Variants in RAB6A observed in about 807,000 individuals in gnomAD.
RAB6A encodes the protein RAB6A, member RAS oncogene family, also known as ras-related protein Rab-6A.
In RAB6A, 8 loss-of-function variants were observed where a neutral mutation model predicts 32.3. The observed-to-expected ratio is 0.25, with a 90% CI of 0.15 to 0.45. The LOEUF is 0.45. Among genes scored for constraint, RAB6A ranks in the 20% least tolerant of loss-of-function variants. The probability of loss-of-function intolerance (pLI) is 1.00; values close to 1 mark genes in which losing one functional copy is unlikely to be tolerated. For synonymous variants in RAB6A, 73 were observed against 82.1 expected (o/e 0.89, Z 0.60); for missense variants, 104 against 249.4 (o/e 0.42, Z 3.93).
chr11:73,757,382 G>A (rs986927005), intron 1 of RAB6A, among the ~76,000 whole-genome samples: 2 of 150,958 alleles, frequency 1.3e-5, no homozygotes, highest in Admixed American at 6.6e-5. Context: ...ATGTTAGCCA[G>A]GCTGGTCTTG....
intron 1 of RAB6A, among the ~76,000 whole-genome samples, chr11:73,745,520 G>A (rs991457536): frequency 2.0e-5 from 3 of 152,172 alleles, no homozygotes; most frequent in Admixed American, 6.6e-5. Context: ...TGAAGCAGGT[G>A]GATCACTTGA....
At chr11:73,722,855 G>A (rs964749835) in intron 2 of RAB6A, among the ~76,000 whole-genome samples, 3 of 152,128 alleles carry the variant, frequency 2.0e-5, no homozygotes, top group African/African-American at 7.2e-5. Context: ...CGCCCAGGCT[G>A]GAGTGCAGTG....
chr11:73,697,767 A>G (rs1440340862), intron 6 of RAB6A, among the ~76,000 whole-genome samples: 1 of 152,244 alleles, frequency 6.6e-6, no homozygotes, highest in Non-Finnish European at 1.5e-5. Flanking sequence ...ATTTTGTTCC[A>G]TTATTGTATC....
chr11:73,751,533 T>C (rs1450392462), intron 1 of RAB6A, among the ~76,000 whole-genome samples: 1 of 152,096 alleles, frequency 6.6e-6, no homozygotes, highest in East Asian at 1.9e-4. Flanking sequence ...AAGATGGAGC[T>C]AAAAACAGAA....
intron 6 of RAB6A, among the ~76,000 whole-genome samples, chr11:73,696,152 T>TAG (rs1945652616): frequency 6.6e-6 from 1 of 152,170 alleles, no homozygotes; most frequent in African/African-American, 2.4e-5. Flanking sequence ...GTTTTATACA[T>TAG]AACTGAATTC....
At chr11:73,716,464 T>TG in intron 4 of RAB6A, 102 bp from the exon 5 acceptor site, 2 of 724,146 alleles carry the variant, frequency 2.8e-6, no homozygotes, top group East Asian at 2.7e-5. Context: ...GGAAGGGGGC[T>TG]GGCACATTAG....
At chr11:73,731,863 T>A (rs1176281985) in intron 1 of RAB6A, among the ~76,000 whole-genome samples, 1 of 150,620 alleles carries the variant, frequency 6.6e-6, no homozygotes, top group African/African-American at 2.4e-5. Flanking sequence ...TGCCTCAGCC[T>A]CCCAAATAGC....
chr11:73,694,845 C>A (rs1945631594), intron 6 of RAB6A, among the ~76,000 whole-genome samples: 2 of 152,094 alleles, frequency 1.3e-5, no homozygotes, highest in African/African-American at 4.8e-5. Flanking sequence ...AAAACTCTAT[C>A]TTTACCAAAA....
At chr11:73,724,637 A>C (rs1946189742) in intron 2 of RAB6A, among the ~76,000 whole-genome samples, 1 of 151,854 alleles carries the variant, frequency 6.6e-6, no homozygotes, top group Admixed American at 6.6e-5. Flanking sequence ...CAGGCGCCCG[A>C]CACCAGGCCC....
chr11:73,709,711 G>A (rs1173389120), intron 5 of RAB6A, among the ~76,000 whole-genome samples: 4 of 149,436 alleles, frequency 2.7e-5, no homozygotes, highest in South Asian at 2.1e-4. Context: ...GAAAGAAACC[G>A]TATTTACATG....
At chr11:73,731,863 T>TCC (rs1946319563) in intron 1 of RAB6A, among the ~76,000 whole-genome samples, 1 of 150,620 alleles carries the variant, frequency 6.6e-6, no homozygotes, top group South Asian at 2.1e-4. Context: ...TGCCTCAGCC[T>TCC]CCCAAATAGC....
intron 5 of RAB6A, among the ~76,000 whole-genome samples, chr11:73,709,626 T>C (rs1335906657): frequency 6.7e-6 from 1 of 150,114 alleles, no homozygotes; most frequent in East Asian, 1.9e-4. Flanking sequence ...GTATGACATG[T>C]TCCAGCCCCA....
At chr11:73,696,984 C>G (rs1028201662) in intron 6 of RAB6A, among the ~76,000 whole-genome samples, 1 of 152,124 alleles carries the variant, frequency 6.6e-6, no homozygotes, top group African/African-American at 2.4e-5. Context: ...AATAAAATGC[C>G]AAATCCTCAC....
At chr11:73,708,190 GAC>G (rs879739592) in intron 5 of RAB6A, among the ~76,000 whole-genome samples, 12 of 151,830 alleles carry the variant, frequency 7.9e-5, no homozygotes, top group Non-Finnish European at 1.3e-4. Flanking sequence ...TTTTTTTTGA[GAC>G]AGTTTTGCTC....
intron 1 of RAB6A, among the ~76,000 whole-genome samples, chr11:73,756,494 A>T (rs1384453691): frequency 6.6e-6 from 1 of 152,226 alleles, no homozygotes; most frequent in African/African-American, 2.4e-5. Flanking sequence ...TAGGCTGAGT[A>T]TGCGCTTCTC....
chr11:73,723,752 C>T (rs577610268), intron 2 of RAB6A, among the ~76,000 whole-genome samples: 5 of 152,042 alleles, frequency 3.3e-5, no homozygotes, highest in East Asian at 3.9e-4. Context: ...CTAAGACAAA[C>T]AATAAGCTAA....
intron 6 of RAB6A, among the ~76,000 whole-genome samples, chr11:73,695,831 A>G (rs1945647016): frequency 1.3e-5 from 2 of 152,244 alleles, no homozygotes; most frequent in African/African-American, 4.8e-5. Context: ...TTGCAGTGAC[A>G]GCTAGTACAG....
intron 1 of RAB6A, among the ~76,000 whole-genome samples, chr11:73,744,306 C>G (rs1181937291): frequency 6.7e-6 from 1 of 148,368 alleles, no homozygotes; most frequent in Non-Finnish European, 1.5e-5. Flanking sequence ...CCAATGCACT[C>G]CAGCCTGGGT....
intron 1 of RAB6A, among the ~76,000 whole-genome samples, chr11:73,751,963 C>T (rs1946675444): frequency 6.6e-6 from 1 of 152,114 alleles, no homozygotes; most frequent in South Asian, 2.1e-4. Context: ...AAACACAACT[C>T]TCAGTGCTCA....
Sources: gnomAD v4.1 joint callset for allele counts (sites outside exome capture counted in the v4.1 genomes callset) on GRCh38, gnomAD v4.1.1 for gene constraint, MANE v1.5 for transcripts, NCBI Gene and HGNC (gene_info 2026-07-23, HGNC 2026-07-21) for gene names.